The following NCALD variants were observed in gnomAD, a reference collection of about 807,000 sequenced individuals.
NCALD encodes the protein neurocalcin-delta.
A neutral mutation model predicts 18.6 loss-of-function variants in NCALD; 10 were observed. The observed-to-expected ratio is 0.54, with a 90% CI of 0.33 to 0.91. NCALD has a LOEUF of 0.91. NCALD is among the 40% of genes least tolerant of loss of function. The probability of loss-of-function intolerance (pLI) is 0.03; values close to 1 mark genes in which losing one functional copy is unlikely to be tolerated. For synonymous variants in NCALD, 88 were observed against 87.4 expected (o/e 1.01, Z -0.04); for missense variants, 184 against 247.6 (o/e 0.74, Z 1.72).
At chr8:101,787,559 T>C (rs1161159272) in intron 1 of NCALD, among the ~76,000 whole-genome samples, 1 of 152,126 alleles carries the variant, frequency 6.6e-6, no homozygotes, top group Non-Finnish European at 1.5e-5. Context: ...ACGCTGTTGG[T>C]TTGGAGAGGA....
At chr8:101,691,929 G>A in intron 3 of NCALD, 1 of 985,460 alleles carries the variant, frequency 1.0e-6, no homozygotes, top group South Asian at 4.7e-5. Flanking sequence ...GAGCTACAGA[G>A]CCGGGCCCTG....
chr8:101,891,963 C>A (rs1461169150), intron 3 of NCALD, among the ~76,000 whole-genome samples: 15 of 152,212 alleles, frequency 9.9e-5, no homozygotes, highest in Admixed American at 2.0e-4. Context: ...CCCAGGCTTG[C>A]TTAAGTAAAC....
chr8:101,912,756 T>G (rs569971366), intron 3 of NCALD, among the ~76,000 whole-genome samples: 1 of 152,218 alleles, frequency 6.6e-6, no homozygotes, highest in Non-Finnish European at 1.5e-5. Context: ...TCATGTCCTA[T>G]GTAATCCCCT....
chr8:102,038,135 C>T (rs184868829), intron 1 of NCALD, among the ~76,000 whole-genome samples: 2 of 152,204 alleles, frequency 1.3e-5, no homozygotes, highest in Admixed American at 6.5e-5. Context: ...GATTTCCTGA[C>T]GGCCTTTGCC....
rs75167096 is a variant in NCALD at position 101,770,257 on chromosome 8, A to C, written c.-20+20605T>G. On this transcript the variant is annotated intron_variant, in intron 1 of 3. Coordinates refer to ENST00000220931, the MANE Select transcript of NCALD (RefSeq NM_032041.3). ...ACTAGACTGGTTTGAAGAGCTAAGG[A>C]ACATTAGTTGGTTCTCTTGTATTAT... is the stretch of plus-strand genomic sequence containing the variant. 8.3e-3 allele frequency among the ~76,000 whole-genome samples: 1,261 copies of C among 152,290 alleles called. 12 individuals carry two copies. Among genetic ancestry groups the C allele is most frequent in the Non-Finnish European group, 0.013 (884 of 68,020 alleles).
intron 1 of NCALD, among the ~76,000 whole-genome samples, chr8:101,753,750 G>T (rs959228711): frequency 1.3e-5 from 2 of 152,078 alleles, no homozygotes; most frequent in African/African-American, 4.8e-5. Flanking sequence ...GAAATGCCTG[G>T]AACTGATGCA....
intron 3 of NCALD, among the ~76,000 whole-genome samples, chr8:101,690,041 CCTCTCAGTT>C (rs1814649395): frequency 1.3e-5 from 2 of 152,140 alleles, no homozygotes; most frequent in African/African-American, 4.8e-5. Flanking sequence ...TGGGTTTCTG[CCTCTCAGTT>C]AGGGTGCTCT....
At chr8:101,753,944 C>T (rs117163014) in intron 1 of NCALD, among the ~76,000 whole-genome samples, 1 of 152,286 alleles carries the variant, frequency 6.6e-6, no homozygotes, top group East Asian at 1.9e-4. Flanking sequence ...CTCTTATTTA[C>T]AGTTGACAGC....
chr8:101,898,931 T>A (rs1335015813), intron 3 of NCALD, among the ~76,000 whole-genome samples: 1 of 152,138 alleles, frequency 6.6e-6, no homozygotes. Flanking sequence ...TTGGAATTTT[T>A]ATAAGAATTT....
intron 4 of NCALD, among the ~76,000 whole-genome samples, chr8:101,876,116 A>G (rs78383148): frequency 0.012 from 1,850 of 152,336 alleles, 41 homozygotes; most frequent in African/African-American, 0.042. Context: ...ATGACTGTGG[A>G]GAAAGAAAAA....
intron 2 of NCALD, among the ~76,000 whole-genome samples, chr8:101,706,217 A>G (rs1815512780): frequency 6.6e-6 from 1 of 152,168 alleles, no homozygotes; most frequent in Non-Finnish European, 1.5e-5. Flanking sequence ...CCAAAGAGGC[A>G]AATTTAATAG....
intron 2 of NCALD, among the ~76,000 whole-genome samples, chr8:101,713,923 C>T (rs1211607009): frequency 6.6e-6 from 1 of 151,966 alleles, no homozygotes; most frequent in Non-Finnish European, 1.5e-5. Flanking sequence ...CTGAAAAGGC[C>T]TTCAATAAAA....
In NCALD at chr8:101,801,102, GAAAGA is replaced by G. The variant is rs1563782486; in HGVS notation, c.-19-81459_-19-81455del. Among the ~76,000 whole-genome samples the G allele has an allele frequency of 5.7e-3, 869 of 151,870 alleles. 11 individuals carry two copies. The highest frequency in any genetic ancestry group is 0.018 in the African/African-American group (764 of 41,428). ...AGAAAGAGGAAGGAAGGAGGAAAAAGAAAGAGAAAGAAACAAAGAAAGAAAGAGTA... is the reference window on the plus strand; with the variant it reads ...AGAAAGAGGAAGGAAGGAGGAAAAAGGAAAGAAACAAAGAAAGAAAGAGTA... On this transcript the variant is annotated intron_variant, in intron 4 of 6. Coordinates refer to the NCALD transcript ENST00000311028.
At chr8:101,951,393 T>C (rs565736893) in intron 2 of NCALD, among the ~76,000 whole-genome samples, 7 of 151,884 alleles carry the variant, frequency 4.6e-5, no homozygotes, top group Non-Finnish European at 7.4e-5. Flanking sequence ...AATCTTAGAG[T>C]GAAGACAGTG....
At chr8:101,696,099 A>G (rs1290547823) in intron 2 of NCALD, among the ~76,000 whole-genome samples, 1 of 152,072 alleles carries the variant, frequency 6.6e-6, no homozygotes. Context: ...CCCACCCACC[A>G]TTGCAGACGA....
chr8:101,823,501 A>C (rs1813805378), intron 4 of NCALD, among the ~76,000 whole-genome samples: 1 of 152,214 alleles, frequency 6.6e-6, no homozygotes, highest in African/African-American at 2.4e-5. Context: ...TTTTAGGACA[A>C]AGGTTTTAAA....
intron 1 of NCALD, among the ~76,000 whole-genome samples, chr8:102,096,862 C>A (rs1825119528): frequency 6.6e-6 from 1 of 152,216 alleles, no homozygotes; most frequent in Non-Finnish European, 1.5e-5. Context: ...CTGCTTTGTG[C>A]ATTTTGTCCA....
intron 1 of NCALD, among the ~76,000 whole-genome samples, chr8:101,763,201 A>T (rs978058715): frequency 2.0e-5 from 3 of 152,226 alleles, no homozygotes; most frequent in Admixed American, 6.5e-5. Context: ...AGTTAGAGTA[A>T]AGGAGACCAG....
At chr8:101,995,848 G>A (rs528760000) in intron 2 of NCALD, among the ~76,000 whole-genome samples, 5 of 152,192 alleles carry the variant, frequency 3.3e-5, no homozygotes, top group African/African-American at 9.7e-5. Context: ...AGCACCAATT[G>A]TTCCAGCAAC....
Sources: gnomAD v4.1 joint callset for allele counts (sites outside exome capture counted in the v4.1 genomes callset) on GRCh38, gnomAD v4.1.1 for gene constraint, MANE v1.5 for transcripts, NCBI Gene and HGNC (gene_info 2026-07-23, HGNC 2026-07-21) for gene names.